The following DNM3 variants were observed in gnomAD, a reference collection of about 807,000 sequenced individuals.
DNM3 encodes dynamin 3.
DNM3 carries 47 observed loss-of-function variants against 101.6 expected under a neutral mutation model. The observed-to-expected ratio is 0.46, with a 90% confidence interval of 0.37 to 0.59. The LOEUF is 0.59. Ranked by LOEUF, DNM3 falls within the 20% of genes least tolerant of loss-of-function variation. DNM3 has a pLI of 0.00. For missense variants in DNM3, 849 were observed against 1,085.7 expected, an observed-to-expected ratio of 0.78 and a Z score of 3.06; for synonymous variants, 385 against 387.9, an observed-to-expected ratio of 0.99 and a Z score of 0.09.
chr1:172,302,021 G>A (rs187714057), intron 15 of DNM3, among the ~76,000 whole-genome samples: 4 of 152,300 alleles, frequency 2.6e-5, no homozygotes, highest in Admixed American at 6.5e-5. Context: ...TTATCTCACT[G>A]CGACCAGTTG....
chr1:172,032,220 A>G (rs2048660700), intron 4 of DNM3, among the ~76,000 whole-genome samples, 182 bp from the exon 5 acceptor site: 1 of 152,142 alleles, frequency 6.6e-6, no homozygotes, highest in Non-Finnish European at 1.5e-5. Flanking sequence ...GTGGTTTGGC[A>G]ACTGTCCTCC....
chr1:172,223,536 A>T (rs116105464), intron 14 of DNM3, among the ~76,000 whole-genome samples: 1 of 151,918 alleles, frequency 6.6e-6, no homozygotes, highest in African/African-American at 2.4e-5. Context: ...CCATTACTCC[A>T]TCTCCTCTTG....
intron 14 of DNM3, among the ~76,000 whole-genome samples, chr1:172,152,113 G>A (rs933222445): frequency 6.6e-6 from 1 of 152,000 alleles, no homozygotes; most frequent in Non-Finnish European, 1.5e-5. Flanking sequence ...CAAACTCCTG[G>A]ACTCATGGGA....
Position 171,841,602 on chromosome 1 carries a change from C to T in DNM3, c.-55C>T, listed in dbSNP as rs1324068101. On this transcript the variant is annotated 5_prime_UTR_variant, in exon 1 of 21. Coordinates refer to ENST00000627582, the MANE Select transcript of DNM3 (RefSeq NM_015569.5). Reference sequence around the variant, plus strand: ...GCCAGGGCAGCGCGGCCCCTACTCCCTGTCAGGTCGTAGAGGCGAGCAGGG... The same window carrying T: ...GCCAGGGCAGCGCGGCCCCTACTCCTTGTCAGGTCGTAGAGGCGAGCAGGG... The T allele has an allele frequency of 1.3e-5, 21 of 1,571,910 alleles. No individual in the cohort carries two copies. The highest frequency in any genetic ancestry group is 1.6e-5 in the Non-Finnish European group (19 of 1,161,660).
chr1:171,981,666 A>G (rs1049049349), intron 2 of DNM3, among the ~76,000 whole-genome samples: 1 of 152,232 alleles, frequency 6.6e-6, no homozygotes, highest in Non-Finnish European at 1.5e-5. Context: ...TTTTTTAAAT[A>G]TTCTCCTTTT....
At chr1:171,958,876 T>A (rs2043029765) in intron 2 of DNM3, among the ~76,000 whole-genome samples, 1 of 152,204 alleles carries the variant, frequency 6.6e-6, no homozygotes. Flanking sequence ...ATCATATTTC[T>A]AAAAAATTAT....
At chr1:172,272,828 T>C (rs1268806158) in intron 15 of DNM3, among the ~76,000 whole-genome samples, 2 of 152,244 alleles carry the variant, frequency 1.3e-5, no homozygotes, top group Non-Finnish European at 1.5e-5. Context: ...CATTCAGCAA[T>C]GCCAACTGTA....
intron 14 of DNM3, among the ~76,000 whole-genome samples, chr1:172,208,540 G>A (rs1341519134): frequency 6.6e-6 from 1 of 152,096 alleles, no homozygotes; most frequent in African/African-American, 2.4e-5. Context: ...TCAAGCTGCA[G>A]CATCAACTCT....
At chr1:172,008,460 G>C (rs1182486460) in intron 4 of DNM3, among the ~76,000 whole-genome samples, 1 of 151,886 alleles carries the variant, frequency 6.6e-6, no homozygotes, top group Admixed American at 6.6e-5. Context: ...TGAAGAGACT[G>C]TCTCTTCTCC....
intron 16 of DNM3, among the ~76,000 whole-genome samples, chr1:172,315,369 C>T (rs765574206): frequency 2.6e-5 from 4 of 152,190 alleles, no homozygotes; most frequent in Admixed American, 1.3e-4. Flanking sequence ...TCACCAGCAA[C>T]GGAACAAAGC....
At chr1:171,881,764 T>C (rs907177260) in intron 1 of DNM3, among the ~76,000 whole-genome samples, 7 of 150,458 alleles carry the variant, frequency 4.7e-5, no homozygotes, top group Non-Finnish European at 1.0e-4. Flanking sequence ...GCTGACTGAA[T>C]TGGAGAGATT....
Position 172,300,119 on chromosome 1 carries a change from G to C in DNM3, c.1770-8609G>C, listed in dbSNP as rs1005465274. ...TGGTGCCTCATCATGGTTTTGATTTGCATTACTCTGATGATTAGTAATGTT... is the reference window on the plus strand; with the variant it reads ...TGGTGCCTCATCATGGTTTTGATTTCCATTACTCTGATGATTAGTAATGTT... On this transcript the variant is annotated intron_variant, in intron 15 of 20. Coordinates refer to ENST00000627582, the MANE Select transcript of DNM3 (RefSeq NM_015569.5). 4.6e-5 allele frequency among the ~76,000 whole-genome samples: 7 copies of C among 151,662 alleles called. No individual in the cohort carries two copies. The East Asian group carries it at 1.3e-3, about 29-fold the overall frequency.
At chr1:172,235,638 A>G (rs1213327905) in intron 14 of DNM3, among the ~76,000 whole-genome samples, 1 of 152,238 alleles carries the variant, frequency 6.6e-6, no homozygotes, top group Non-Finnish European at 1.5e-5. Context: ...AATGTGGCAC[A>G]TATACACCAT....
At chr1:172,085,211 T>C (rs961364018) in intron 12 of DNM3, among the ~76,000 whole-genome samples, 1 of 151,966 alleles carries the variant, frequency 6.6e-6, no homozygotes, top group Non-Finnish European at 1.5e-5. Flanking sequence ...CAAATTTCTT[T>C]GTGACTTAAG....
intron 1 of DNM3, among the ~76,000 whole-genome samples, chr1:171,875,813 CTTTTTTT>C (rs60523795): frequency 9.6e-6 from 1 of 104,682 alleles, no homozygotes; most frequent in African/African-American, 4.3e-5. Flanking sequence ...AGTTGTCTCT[CTTTTTTT>C]TTTTTTTTTG....
chr1:171,894,041 C>T (rs1257849986), intron 1 of DNM3, among the ~76,000 whole-genome samples: 2 of 152,050 alleles, frequency 1.3e-5, no homozygotes, highest in Non-Finnish European at 2.9e-5. Flanking sequence ...CCAGGATGGT[C>T]TCCATCTCCT....
intron 4 of DNM3, among the ~76,000 whole-genome samples, chr1:172,032,071 T>C (rs1303138036): frequency 6.6e-6 from 1 of 152,178 alleles, no homozygotes; most frequent in Non-Finnish European, 1.5e-5. Context: ...TCATATTAGG[T>C]GGAGAACTTA....
At chr1:172,043,854 A>G (rs2049576040) in intron 8 of DNM3, among the ~76,000 whole-genome samples, 1 of 152,164 alleles carries the variant, frequency 6.6e-6, no homozygotes, top group South Asian at 2.1e-4. Context: ...AAATAGATTT[A>G]TGGTACCTAG....
intron 2 of DNM3, among the ~76,000 whole-genome samples, chr1:171,972,869 A>AAACAAC (rs151021588): frequency 8.6e-4 from 130 of 151,212 alleles, no homozygotes; most frequent in East Asian, 3.3e-3. Context: ...CAAAAAACAA[A>AAACAAC]AACAACAACA....
Sources: allele counts gnomAD v4.1 joint callset (sites outside exome capture counted in the v4.1 genomes callset), GRCh38; gene constraint gnomAD v4.1.1; transcripts MANE v1.5; gene names NCBI Gene and HGNC (gene_info 2026-07-23, HGNC 2026-07-21).